Variants in IVD observed in about 807,000 individuals in gnomAD.
IVD encodes the protein isovaleryl-CoA dehydrogenase, also known as isovaleryl-CoA dehydrogenase, mitochondrial.
Under a neutral mutation model 51.3 loss-of-function variants are expected in IVD, and 31 were observed. The observed-to-expected ratio is 0.60, with a 90% confidence interval of 0.45 to 0.81. IVD has a LOEUF of 0.81. IVD is among the 40% of genes least tolerant of loss of function. The pLI is 0.00. For missense variants in IVD, 475 were observed against 552.0 expected (o/e 0.86, Z 1.40); for synonymous variants, 205 against 219.4 (o/e 0.93, Z 0.58).
At chr15:40,435,620 A>G (rs1025440679), downstream of IVD, 113 of 1,095,368 alleles carry the variant, frequency 1.0e-4, no homozygotes, top group Non-Finnish European at 1.2e-4. Flanking sequence ...ATGTTCTCCA[A>G]CGTCTTTGGG....
Position 40,411,568 on chromosome 15 carries a change from C to T in IVD, c.564C>T (p.Ile188=), listed in dbSNP as rs1171530725. The T allele has an allele frequency of 1.9e-6, 3 of 1,614,228 alleles. No individual in the cohort carries two copies. Among genetic ancestry groups the T allele is most frequent in the Non-Finnish European group, 2.5e-6 (3 of 1,180,050 alleles). The change falls in exon 6 of 12, where the codon ATC becomes ATT. Residue 188 remains isoleucine, a synonymous_variant. Transcript: ENST00000487418. ...TCCTGCCCTTAGGAAATCACTACAT[C>T]CTGAATGGCAACAAGTTCTGGATCA... ...LKAEKKGNHY[I]LNGNKFWITN...
intron 6 of IVD, among the ~76,000 whole-genome samples, chr15:40,412,070 A>T (rs1442881897): frequency 6.6e-6 from 1 of 152,210 alleles, no homozygotes; most frequent in East Asian, 1.9e-4. Context: ...TTGACAACAG[A>T]AGCAAGAAGG....
At chr15:40,406,414 T>G in intron 1 of IVD, 7 of 1,166,720 alleles carry the variant, frequency 6.0e-6, no homozygotes, top group Non-Finnish European at 8.0e-6. Context: ...ATAAACAGTT[T>G]GGGGGTTTTA....
At chr15:40,409,440 T>C (rs900509616) in intron 3 of IVD, among the ~76,000 whole-genome samples, 8 of 152,254 alleles carry the variant, frequency 5.3e-5, no homozygotes, top group Non-Finnish European at 8.8e-5. Context: ...GAAAACTCTT[T>C]CAAGGGAACC....
chr15:40,416,168 C>T lies in IVD; in HGVS notation c.1051C>T (p.His351Tyr), dbSNP rs371364916. 1.2e-6 allele frequency: 2 copies of T among 1,614,238 alleles called. No individual in the cohort carries two copies. The highest frequency in any genetic ancestry group is 1.6e-4 in the Middle Eastern group (1 of 6,062). Reference protein sequence around the residue: ...YNVAKACDEGHCTAKDCAGVI... With the variant: ...YNVAKACDEGYCTAKDCAGVI... Reference sequence around the variant, plus strand: ...TGTCGCCAAGGCCTGCGATGAGGGCCATTGCACTGCTAAGGTGAGGGCCAG... The same window carrying T: ...TGTCGCCAAGGCCTGCGATGAGGGCTATTGCACTGCTAAGGTGAGGGCCAG... Residue 351 changes from histidine to tyrosine, a missense_variant, in exon 10 of 12, where the codon CAT becomes TAT. Physicochemically the swap from His to Tyr is moderately conservative, Grantham distance 83 (BLOSUM62 2). Transcript: ENST00000487418.
intron 7 of IVD, 37 bp downstream of exon 7, chr15:40,413,124 ACC>A: frequency 6.6e-7 from 1 of 1,524,032 alleles, no homozygotes; most frequent in Non-Finnish European, 9.1e-7. Flanking sequence ...CCCTCTCCTG[ACC>A]CCCTTCCAGG....
chr15:40,414,459 A>C (rs1307915651), intron 7 of IVD: 1 of 234,664 alleles, frequency 4.3e-6, no homozygotes, highest in African/African-American at 2.2e-5. Context: ...TGGACAAAGA[A>C]GCTTTCACGG....
At chr15:40,424,085 A>T, downstream of IVD, 1 of 1,184,484 alleles carries the variant, frequency 8.4e-7, no homozygotes, top group Non-Finnish European at 1.1e-6. Context: ...GGTATCTCTT[A>T]AATACTTCCT....
At chr15:40,422,367 T>G (rs1892369934), downstream of IVD, among the ~76,000 whole-genome samples, 1 of 151,770 alleles carries the variant, frequency 6.6e-6, no homozygotes, top group South Asian at 2.1e-4. Flanking sequence ...CACTGCAAGC[T>G]CCGCCTCCCA....
chr15:40,410,799 T>C lies in IVD; in HGVS notation c.456+2T>C, dbSNP rs398123683. On this transcript the variant is annotated splice_donor_variant, in intron 4 of 11. Transcript: ENST00000487418. LOFTEE classifies it high-confidence loss of function. ...CAGAAAGAGAAGTATCTCCCGAAGG[T>C]GAGGAAATGGAAATGTAATACACGC... 19 of 1,613,560 alleles carry C rather than the reference T, an allele frequency of 1.2e-5. No individual in the cohort carries two copies. The highest frequency in any genetic ancestry group is 8.3e-5 in the Admixed American group (5 of 59,954).
At chr15:40,412,451 G>A (rs1595776550) in intron 6 of IVD, among the ~76,000 whole-genome samples, 1 of 152,190 alleles carries the variant, frequency 6.6e-6, no homozygotes, top group Non-Finnish European at 1.5e-5. Context: ...GAGCAGTAGG[G>A]ACCTGGCTGA....
chr15:40,432,195 C>T (rs565267034), intron 7 of IVD, among the ~76,000 whole-genome samples: 4 of 152,280 alleles, frequency 2.6e-5, no homozygotes, highest in South Asian at 2.1e-4. Context: ...CCGCCCACCT[C>T]GGCCCCCCAA....
chr15:40,420,569 G>A lies in IVD; in HGVS notation c.*2306G>A, dbSNP rs975301922. 1 of 987,502 alleles carries A rather than the reference G, an allele frequency of 1.0e-6. No individual in the cohort carries two copies. The highest frequency in any genetic ancestry group is 1.1e-4 in the East Asian group (1 of 8,828). 61.2% of individuals were successfully genotyped at this position (987,502 alleles called of 1,614,324 possible). On this transcript the variant is annotated 3_prime_UTR_variant, in exon 12 of 12. Coordinates refer to ENST00000487418, the MANE Select transcript of IVD (RefSeq NM_002225.5). ...CCAGCCCGTTCTTTCATGAGGGACA[G>A]GAAGGTAAAATCAGCCCTTAGGAGA...
chr15:40,410,785 G>T lies in IVD; in HGVS notation c.444G>T (p.Lys148Asn), dbSNP rs768172531. The change falls in exon 4 of 12, where the codon AAG (lysine) becomes AAT (asparagine). Residue 148 changes from lysine (K) to asparagine (N), a missense_variant. Physicochemically the swap from Lys to Asn is moderately conservative, Grantham distance 94. Coordinates refer to ENST00000487418, the MANE Select transcript of IVD (RefSeq NM_002225.5). ...ATGGGAATGAGGCCCAGAAAGAGAAGTATCTCCCGAAGGTGAGGAAATGGA... is the reference window on the plus strand; with the variant it reads ...ATGGGAATGAGGCCCAGAAAGAGAATTATCTCCCGAAGGTGAGGAAATGGA... ...VRNGNEAQKE[K>N]YLPKLISGEY... The T allele has an allele frequency of 3.7e-6, 6 of 1,614,050 alleles. No individual in the cohort carries two copies. The highest frequency in any genetic ancestry group is 2.7e-5 in the African/African-American group (2 of 74,932).
intron 1 of IVD, chr15:40,406,226 T>G (rs1890395007): frequency 3.3e-6 from 5 of 1,507,660 alleles, no homozygotes; most frequent in Non-Finnish European, 4.4e-6. Flanking sequence ...AGAGGAGGAG[T>G]CGAGGCTGGG....
chr15:40,423,018 A>T (rs189950772), downstream of IVD, among the ~76,000 whole-genome samples: 8 of 151,966 alleles, frequency 5.3e-5, no homozygotes, highest in Admixed American at 5.2e-4. Context: ...TGGCTCAAGG[A>T]TCCTCTGGCC....
chr15:40,434,231 A>T (rs1893143660), intron 8 of IVD, among the ~76,000 whole-genome samples: 1 of 152,192 alleles, frequency 6.6e-6, no homozygotes, highest in South Asian at 2.1e-4. Context: ...GAAACTGTAA[A>T]CCTGGATTTT....
intron 1 of IVD, 61 bp downstream of exon 1, chr15:40,406,032 T>C (rs1890370696): frequency 7.1e-7 from 1 of 1,402,350 alleles, no homozygotes; most frequent in Admixed American, 2.2e-5. Context: ...CCCCAAGGCC[T>C]CCTTCCTGCC....
chr15:40,408,416 G>T (rs1382640392), intron 3 of IVD, among the ~76,000 whole-genome samples: 1 of 152,206 alleles, frequency 6.6e-6, no homozygotes, highest in Non-Finnish European at 1.5e-5. Flanking sequence ...GTGTGTCCCT[G>T]CAGGGACTGC....
Sources: allele counts gnomAD v4.1 joint callset (sites outside exome capture counted in the v4.1 genomes callset), GRCh38; gene constraint gnomAD v4.1.1; transcripts MANE v1.5; gene names NCBI Gene and HGNC (gene_info 2026-07-23, HGNC 2026-07-21).